Variants in PLPP4 observed in about 807,000 individuals in gnomAD.
PLPP4 encodes the protein diacylglycerol pyrophosphate like 2.
A neutral mutation model predicts 32.2 loss-of-function variants in PLPP4; 20 were observed. The observed-to-expected ratio is 0.62, with a 90% CI of 0.44 to 0.90. The LOEUF is 0.90. PLPP4 is among the 40% of genes least tolerant of loss of function. The pLI is 0.00. For synonymous variants in PLPP4, 127 were observed against 133.0 expected (o/e 0.95, Z 0.31); for missense variants, 257 against 353.1 (o/e 0.73, Z 2.18).
intron 5 of PLPP4, among the ~76,000 whole-genome samples, chr10:120,533,728 C>T (rs184739584): frequency 5.3e-5 from 8 of 152,100 alleles, no homozygotes; most frequent in African/African-American, 1.7e-4. Flanking sequence ...AACTTTATGT[C>T]TTTTAAAGAA....
At chr10:120,515,549 C>A (rs1294055423) in intron 3 of PLPP4, among the ~76,000 whole-genome samples, 1 of 152,190 alleles carries the variant, frequency 6.6e-6, no homozygotes, top group East Asian at 1.9e-4. Context: ...AGCCATGAGT[C>A]CCTGGCCAGC....
intron 5 of PLPP4, among the ~76,000 whole-genome samples, chr10:120,532,070 G>A (rs1043349770): frequency 3.3e-5 from 5 of 151,786 alleles, no homozygotes; most frequent in African/African-American, 7.3e-5. Context: ...TAGCCCCTAC[G>A]CCCCCAACAG....
chr10:120,542,770 C>A (rs1392808773), intron 5 of PLPP4, among the ~76,000 whole-genome samples: 1 of 152,156 alleles, frequency 6.6e-6, no homozygotes, highest in Admixed American at 6.5e-5. Flanking sequence ...TCTCTAAACC[C>A]ACTGCAGAGT....
intron 2 of PLPP4, 115 bp downstream of exon 2, chr10:120,504,041 G>A (rs1845387972): frequency 1.4e-6 from 1 of 713,584 alleles, no homozygotes; most frequent in African/African-American, 1.8e-5. Flanking sequence ...AGAAAGAGAA[G>A]GAGAGCAGCC....
intron 5 of PLPP4, among the ~76,000 whole-genome samples, chr10:120,526,327 A>G (rs1185081830): frequency 6.6e-6 from 1 of 151,954 alleles, no homozygotes; most frequent in Non-Finnish European, 1.5e-5. Context: ...CTTTCCTTAA[A>G]TATCTGGTAC....
At chr10:120,580,084 C>T (rs1297449327) in intron 6 of PLPP4, among the ~76,000 whole-genome samples, 23 of 137,408 alleles carry the variant, frequency 1.7e-4, no homozygotes, top group Non-Finnish European at 3.2e-4. Flanking sequence ...CATGCCACTG[C>T]ACTCCAGCCT....
chr10:120,558,164 G>A (rs1374068150), intron 5 of PLPP4, among the ~76,000 whole-genome samples: 1 of 151,394 alleles, frequency 6.6e-6, no homozygotes, highest in Non-Finnish European at 1.5e-5. Flanking sequence ...CTCTTACTGT[G>A]GCCATTATCT....
intron 1 of PLPP4, among the ~76,000 whole-genome samples, chr10:120,480,838 A>G (rs1844166075): frequency 6.6e-6 from 1 of 151,844 alleles, no homozygotes; most frequent in Admixed American, 6.6e-5. Flanking sequence ...CCCTCACCCA[A>G]CCCATTTGAT....
intron 5 of PLPP4, among the ~76,000 whole-genome samples, chr10:120,563,905 C>T (rs565894625): frequency 5.2e-4 from 77 of 148,134 alleles, no homozygotes; most frequent in South Asian, 3.7e-3. Flanking sequence ...AGAACTTAGT[C>T]ATTTCAATTT....
At position 120,457,297 on chromosome 10, in the gene PLPP4, G is replaced by C. The variant is rs376910988; in HGVS notation, c.-9G>C. 1 of 1,515,622 alleles carries C rather than the reference G, an allele frequency of 6.6e-7. No homozygotes were observed. Among genetic ancestry groups the C allele is most frequent in the African/African-American group, 1.4e-5 (1 of 70,608 alleles). 93.9% of individuals were successfully genotyped at this position (1,515,622 alleles called of 1,614,324 possible). A position where few individuals can be genotyped will look rare whatever the true frequency, so the allele number is the denominator to read the frequency against. On this transcript the variant is annotated 5_prime_UTR_variant, in exon 1 of 7. Coordinates refer to ENST00000398250, the MANE Select transcript of PLPP4 (RefSeq NM_001030059.3). ...CAGCTGACGCCGCGGGAGCTGCTCC[G>C]GCCGCACCATGCGGGAGCTGGCCAT...
intron 5 of PLPP4, among the ~76,000 whole-genome samples, chr10:120,571,133 G>GTGTGT (rs1564847493): frequency 8.0e-5 from 9 of 112,106 alleles, no homozygotes; most frequent in African/African-American, 3.2e-4. Context: ...TGTGTGTGTG[G>GTGTGT]TCTGTGTGTC....
At chr10:120,470,686 A>T (rs1848477748) in intron 1 of PLPP4, among the ~76,000 whole-genome samples, 2 of 152,262 alleles carry the variant, frequency 1.3e-5, no homozygotes, top group Non-Finnish European at 2.9e-5. Context: ...TATTCTGAAT[A>T]TCTATTTGCC....
chr10:120,546,373 T>G (rs1847621063), intron 5 of PLPP4, among the ~76,000 whole-genome samples: 1 of 152,060 alleles, frequency 6.6e-6, no homozygotes, highest in South Asian at 2.1e-4. Flanking sequence ...TCTCACACAG[T>G]GGCACCAGAA....
chr10:120,499,635 G>A (rs2133857296), intron 1 of PLPP4, among the ~76,000 whole-genome samples: 1 of 152,216 alleles, frequency 6.6e-6, no homozygotes, highest in Non-Finnish European at 1.5e-5. Context: ...TTGATCTACA[G>A]ATCGGCAGCG....
intron 1 of PLPP4, among the ~76,000 whole-genome samples, chr10:120,503,261 G>A (rs938201250): frequency 6.6e-6 from 1 of 152,196 alleles, no homozygotes; most frequent in African/African-American, 2.4e-5. Context: ...GCTGAACTTA[G>A]TTCCTCAGGT....
chr10:120,505,122 C>A (rs996439264), intron 2 of PLPP4, among the ~76,000 whole-genome samples: 1 of 152,196 alleles, frequency 6.6e-6, no homozygotes, highest in African/African-American at 2.4e-5. Flanking sequence ...AGGAAGATGT[C>A]ATTATTGTCC....
At chr10:120,580,056 C>T (rs1458214635) in intron 6 of PLPP4, among the ~76,000 whole-genome samples, 2 of 142,138 alleles carry the variant, frequency 1.4e-5, no homozygotes, top group African/African-American at 2.6e-5. Context: ...GGAGGCAGAG[C>T]TTGCAGCGAG....
rs1337211074 is a variant in PLPP4, at chr10:120,537,932, T to A, written c.445+16837T>A. Among the ~76,000 whole-genome samples the A allele has an allele frequency of 2.0e-5, 3 of 148,642 alleles. No individual in the cohort carries two copies. The East Asian group carries it at 5.9e-4, about 29-fold the overall frequency. On this transcript the variant is annotated intron_variant, in intron 5 of 6. Coordinates refer to ENST00000398250, the MANE Select transcript of PLPP4 (RefSeq NM_001030059.3). ...GTCCCAATCCTGAGCTGGGTGTCCA[T>A]CCTCAGCCAGGGCCCTGCCACAGAA...
intron 5 of PLPP4, among the ~76,000 whole-genome samples, chr10:120,554,818 A>C (rs1206926294): frequency 6.6e-6 from 1 of 152,118 alleles, no homozygotes; most frequent in Non-Finnish European, 1.5e-5. Flanking sequence ...TATCATGAGA[A>C]CAGCAAGGGG....
Sources: allele counts gnomAD v4.1 joint callset (sites outside exome capture counted in the v4.1 genomes callset), GRCh38; gene constraint gnomAD v4.1.1; transcripts MANE v1.5; gene names NCBI Gene and HGNC (gene_info 2026-07-23, HGNC 2026-07-21).